CRADD: variants seen among roughly 807,000 people sequenced by gnomAD.
CRADD encodes the protein CARD and death domain containing adaptor protein.
Under a neutral mutation model 15.5 loss-of-function variants are expected in CRADD, and 9 were observed. The ratio of observed to expected loss-of-function variants is 0.58; its 90% confidence interval spans 0.35 to 1.01. CRADD has a LOEUF of 1.01. Ranked by LOEUF, CRADD falls within the 50% of genes least tolerant of loss-of-function variation. CRADD has a pLI of 0.02. For synonymous variants in CRADD, 118 were observed against 107.6 expected, an observed-to-expected ratio of 1.10 and a Z score of -0.60; for missense variants, 227 against 250.3, an observed-to-expected ratio of 0.91 and a Z score of 0.63.
intron 2 of CRADD, among the ~76,000 whole-genome samples, chr12:93,796,544 G>A (rs1456611877): frequency 6.7e-6 from 1 of 149,962 alleles, no homozygotes; most frequent in Non-Finnish European, 1.5e-5. Context: ...GGCAGAGGGT[G>A]CAGTGAGCCG....
rs113294497 is a variant in CRADD at position 93,730,775 on chromosome 12, G to A, written c.298+51703G>A. ...CTGTCACTCTGGCTGGAGTGCAGTG[G>A]CACAATCTCGGCTCACTGCAACCTC... On this transcript the variant is annotated intron_variant, in intron 2 of 2. Coordinates refer to ENST00000332896, the MANE Select transcript of CRADD (RefSeq NM_003805.5). Among the ~76,000 whole-genome samples the A allele has an allele frequency of 5.4e-3, 811 of 150,624 alleles. 8 individuals are homozygous for A. Among genetic ancestry groups the A allele is most frequent in the African/African-American group, 0.018 (739 of 40,834 alleles).
chr12:93,796,679 A>C (rs1049071789), intron 2 of CRADD, among the ~76,000 whole-genome samples: 5 of 151,694 alleles, frequency 3.3e-5, no homozygotes, highest in African/African-American at 1.2e-4. Context: ...CAATGAAAAC[A>C]TTTCTATGGG....
At chr12:93,678,654 G>C in intron 1 of CRADD, 115 bp from the exon 2 acceptor site, 1 of 1,070,830 alleles carries the variant, frequency 9.3e-7, no homozygotes, top group Non-Finnish European at 1.3e-6. Context: ...TGACCTGGCA[G>C]TCTGCTATGG....
intron 2 of CRADD, among the ~76,000 whole-genome samples, chr12:93,841,900 G>A (rs1010355538): frequency 5.9e-5 from 9 of 152,104 alleles, no homozygotes; most frequent in Admixed American, 2.0e-4. Context: ...CACTGCAGCC[G>A]TGAGCTGGGG....
chr12:93,707,756 A>T (rs1008888660), intron 2 of CRADD: 2 of 152,228 alleles, frequency 1.3e-5, no homozygotes, highest in African/African-American at 4.8e-5. Flanking sequence ...ATTTGAGGCC[A>T]TCATTAATGG....
intron 2 of CRADD, among the ~76,000 whole-genome samples, chr12:93,681,814 T>G (rs1357881521): frequency 6.6e-6 from 1 of 152,100 alleles, no homozygotes; most frequent in Non-Finnish European, 1.5e-5. Context: ...AAAAATCACT[T>G]TTAAAATCTT....
chr12:93,720,797 C>T (rs1227473838), intron 2 of CRADD, among the ~76,000 whole-genome samples: 1 of 152,130 alleles, frequency 6.6e-6, no homozygotes, highest in Non-Finnish European at 1.5e-5. Flanking sequence ...CTACATATGT[C>T]TTTATATTTA....
chr12:93,734,666 C>T (rs1393030526), intron 2 of CRADD, among the ~76,000 whole-genome samples: 1 of 152,168 alleles, frequency 6.6e-6, no homozygotes, highest in East Asian at 1.9e-4. Context: ...CCAGTGCTTC[C>T]TTCCCAGCTC....
intron 2 of CRADD, among the ~76,000 whole-genome samples, chr12:93,786,650 A>G (rs1957281180): frequency 6.6e-6 from 1 of 152,166 alleles, no homozygotes; most frequent in South Asian, 2.1e-4. Context: ...ATTCAGAGGG[A>G]TAAGTTTTCT....
intron 2 of CRADD, among the ~76,000 whole-genome samples, chr12:93,726,094 GTTTTTTTT>G (rs1165429350): frequency 0.027 from 2,607 of 96,076 alleles, 59 homozygotes; most frequent in East Asian, 0.13. Context: ...AAATAGTTTA[GTTTTTTTT>G]TTTTTTTTTT....
intron 2 of CRADD, among the ~76,000 whole-genome samples, chr12:93,789,483 A>G (rs1957324946): frequency 6.6e-6 from 1 of 152,234 alleles, no homozygotes; most frequent in Non-Finnish European, 1.5e-5. Flanking sequence ...GCACATGTAA[A>G]ACAATAATGT....
At chr12:93,711,725 C>T (rs1190180232) in intron 2 of CRADD, among the ~76,000 whole-genome samples, 4 of 150,404 alleles carry the variant, frequency 2.7e-5, no homozygotes, top group African/African-American at 4.9e-5. Context: ...CCCAGAGGAC[C>T]TCATAAAAAC....
intron 2 of CRADD, among the ~76,000 whole-genome samples, chr12:93,892,654 A>AG (rs1958584491): frequency 6.6e-6 from 1 of 152,170 alleles, no homozygotes; most frequent in Non-Finnish European, 1.5e-5. Flanking sequence ...TGGCCTTGGA[A>AG]GGGGGGCCCT....
intron 2 of CRADD, among the ~76,000 whole-genome samples, chr12:93,715,617 A>G (rs1956147928): frequency 6.6e-6 from 1 of 152,198 alleles, no homozygotes; most frequent in South Asian, 2.1e-4. Flanking sequence ...CTACAAAAAT[A>G]AATAAATAGA....
chr12:93,796,678 C>T (rs1957422363), intron 2 of CRADD, among the ~76,000 whole-genome samples: 1 of 150,278 alleles, frequency 6.7e-6, no homozygotes, highest in Non-Finnish European at 1.5e-5. Flanking sequence ...TCAATGAAAA[C>T]ATTTCTATGG....
Position 93,717,161 on chromosome 12 carries a change from A to C in CRADD, c.298+38089A>C, listed in dbSNP as rs374864130. Among the ~76,000 whole-genome samples, 17 of 152,322 alleles carry C rather than the reference A, an allele frequency of 1.1e-4. No individual in the cohort carries two copies. In the East Asian group the frequency reaches 1.9e-3, roughly 17 times the overall value. On this transcript the variant is annotated intron_variant, in intron 2 of 2. Coordinates refer to ENST00000332896, the MANE Select transcript of CRADD (RefSeq NM_003805.5). ...ACATCTTTTCACATACTTACTTGCCATCTGTATATCTTCTTTGGTGAGATA... is the reference window on the plus strand; with the variant it reads ...ACATCTTTTCACATACTTACTTGCCCTCTGTATATCTTCTTTGGTGAGATA...
rs76336025 is a variant in CRADD, at chr12:93,767,507, T to C, written c.299-82463T>C. ...AACATTCATTGAGGTTTATTGTGTGTCAGGTCCTGTGTTTAGGGCTTTGGA... is the reference window on the plus strand; with the variant it reads ...AACATTCATTGAGGTTTATTGTGTGCCAGGTCCTGTGTTTAGGGCTTTGGA... On this transcript the variant is annotated intron_variant, in intron 2 of 2. Transcript: ENST00000332896. Among the ~76,000 whole-genome samples the C allele has an allele frequency of 1.2e-4, 19 of 152,374 alleles. No individual in the cohort carries two copies. The East Asian group carries it at 3.7e-3, about 29-fold the overall frequency.
intron 2 of CRADD, among the ~76,000 whole-genome samples, chr12:93,729,043 A>ATG (rs1376694075): frequency 6.6e-6 from 1 of 152,196 alleles, no homozygotes. Flanking sequence ...AATCAAATTC[A>ATG]TGTAAATTTC....
chr12:93,882,217 C>T (rs1435916111), intron 2 of CRADD, among the ~76,000 whole-genome samples: 5 of 151,628 alleles, frequency 3.3e-5, no homozygotes, highest in South Asian at 4.2e-4. Context: ...GTCAGGAGTT[C>T]GAGACCAGCC....
Sources: gnomAD v4.1 joint callset for allele counts (sites outside exome capture counted in the v4.1 genomes callset) on GRCh38, gnomAD v4.1.1 for gene constraint, MANE v1.5 for transcripts, NCBI Gene and HGNC (gene_info 2026-07-23, HGNC 2026-07-21) for gene names.